Variants in TICRR observed in about 807,000 individuals in gnomAD.
TICRR encodes the protein TOPBP1 interacting checkpoint and replication regulator, also known as treslin.
TICRR carries 132 observed loss-of-function variants against 178.1 expected under a neutral mutation model. That is an observed-to-expected ratio of 0.74 (90% CI 0.64 to 0.86). The LOEUF (loss-of-function observed/expected upper bound fraction) is 0.86. TICRR is among the 40% of genes least tolerant of loss of function. TICRR has a pLI of 0.00. For synonymous variants in TICRR, 991 were observed against 900.7 expected, an observed-to-expected ratio of 1.10 and a Z score of -1.79; for missense variants, 2,587 against 2,334.3, an observed-to-expected ratio of 1.11 and a Z score of -2.23.
chr15:89,594,619 G>T, intron 6 of TICRR, 65 bp downstream of exon 6: 1 of 1,370,940 alleles, frequency 7.3e-7, no homozygotes, highest in Non-Finnish European at 9.7e-7. Flanking sequence ...TTAAAAGATG[G>T]GCATTTCCTG....
intron 1 of TICRR, among the ~76,000 whole-genome samples, chr15:89,580,470 G>A (rs1042883463): frequency 6.6e-6 from 1 of 152,114 alleles, no homozygotes; most frequent in South Asian, 2.1e-4. Context: ...TCTGAACTAG[G>A]TTACCATTCT....
At chr15:89,623,344 A>G (rs1963456268) in intron 19 of TICRR, among the ~76,000 whole-genome samples, 1 of 152,256 alleles carries the variant, frequency 6.6e-6, no homozygotes, top group Admixed American at 6.5e-5. Flanking sequence ...GAATGATTCC[A>G]TTAGAGGCAA....
intron 15 of TICRR, among the ~76,000 whole-genome samples, chr15:89,614,399 C>G (rs1487208150): frequency 1.3e-5 from 2 of 151,412 alleles, no homozygotes; most frequent in African/African-American, 4.9e-5. Context: ...ACTGTAGCCT[C>G]AAACTCCCTG....
intron 7 of TICRR, among the ~76,000 whole-genome samples, chr15:89,598,105 C>A (rs1159285437): frequency 1.3e-5 from 2 of 150,788 alleles, no homozygotes; most frequent in Admixed American, 6.7e-5. Context: ...TTGCTATAAT[C>A]ACTTGTTAGT....
At chr15:89,587,936 G>A (rs572130944) in intron 4 of TICRR, among the ~76,000 whole-genome samples, 2 of 152,138 alleles carry the variant, frequency 1.3e-5, no homozygotes, top group Non-Finnish European at 2.9e-5. Flanking sequence ...ATGTTGATGA[G>A]ATAATATGGT....
rs1218712675 is a variant in TICRR, at chr15:89,576,023, C to G, written c.437C>G (p.Ala146Gly). Residue 146 changes from alanine to glycine, a missense_variant, in exon 1 of 22, where the codon GCG (alanine) becomes GGG (glycine). Physicochemically the swap from Ala to Gly is moderately conservative, Grantham distance 60. Coordinates refer to ENST00000268138, the MANE Select transcript of TICRR (RefSeq NM_152259.4). ...AGCGAGGCCAAGGAGGCCGAGGCCG[C>G]GCTCGGGGGCTTGGTGAACGCCGTC... Reference protein sequence around the residue: ...VESEAKEAEAALGGLVNAVFL... With the variant: ...VESEAKEAEAGLGGLVNAVFL... 1 of 1,609,248 alleles carries G rather than the reference C, an allele frequency of 6.2e-7. No individual in the cohort carries two copies. Among genetic ancestry groups the G allele is most frequent in the Non-Finnish European group, 8.5e-7 (1 of 1,178,722 alleles).
intron 4 of TICRR, among the ~76,000 whole-genome samples, chr15:89,587,091 T>C (rs1962835969): frequency 6.6e-6 from 1 of 152,180 alleles, no homozygotes; most frequent in African/African-American, 2.4e-5. Flanking sequence ...CTTGGATATA[T>C]TTTGAAGGTA....
intron 1 of TICRR, among the ~76,000 whole-genome samples, chr15:89,581,169 A>G (rs578251407): frequency 5.3e-5 from 8 of 152,356 alleles, no homozygotes; most frequent in African/African-American, 1.7e-4. Flanking sequence ...AAGTTTGGGA[A>G]TGACCTAGTT....
intron 4 of TICRR, among the ~76,000 whole-genome samples, chr15:89,586,386 ATTTC>A (rs1169342709): frequency 6.6e-6 from 1 of 152,088 alleles, no homozygotes; most frequent in Non-Finnish European, 1.5e-5. Flanking sequence ...TCAACTTGAT[ATTTC>A]TTTAATTCAT....
intron 13 of TICRR, among the ~76,000 whole-genome samples, chr15:89,604,911 G>T (rs1308150592): frequency 2.6e-5 from 4 of 152,062 alleles, no homozygotes. Context: ...ATAAATCTCA[G>T]TTCTCTGAAG....
At chr15:89,602,761 A>G in intron 12 of TICRR, 35 bp from the exon 13 acceptor site, 2 of 1,075,392 alleles carry the variant, frequency 1.9e-6, no homozygotes, top group Non-Finnish European at 2.5e-6. Context: ...TATAACCTCT[A>G]TCTAGTATGT....
chr15:89,591,289 A>G (rs1399532891), intron 4 of TICRR, among the ~76,000 whole-genome samples: 1 of 152,016 alleles, frequency 6.6e-6, no homozygotes, highest in Non-Finnish European at 1.5e-5. Context: ...ACGCCCAGCT[A>G]ATTTTTGTAC....
At chr15:89,604,511 T>A (rs1340756799) in intron 13 of TICRR, among the ~76,000 whole-genome samples, 2 of 152,226 alleles carry the variant, frequency 1.3e-5, no homozygotes, top group Non-Finnish European at 2.9e-5. Flanking sequence ...CAGTGGTTCA[T>A]GCCTATAATG....
rs1465861348 is a variant in TICRR at position 89,627,398 on chromosome 15, G to A, written c.*312G>A. On this transcript the variant is annotated 3_prime_UTR_variant, in exon 22 of 22. Coordinates refer to ENST00000268138, the MANE Select transcript of TICRR (RefSeq NM_152259.4). ...CCCAACCATGACCTTGGCAAGTCAG[G>A]GGGCCACTCTGCCTCATTTATGCAA... The A allele has an allele frequency of 5.9e-6, 2 of 339,012 alleles. No individual in the cohort carries two copies. Among genetic ancestry groups the A allele is most frequent in the Non-Finnish European group, 1.1e-5 (2 of 185,434 alleles). The allele number at this position is 339,012 out of a possible 1,614,324, so 21.0% of individuals were successfully genotyped here.
intron 19 of TICRR, among the ~76,000 whole-genome samples, chr15:89,621,752 G>C: frequency 6.6e-6 from 1 of 152,114 alleles, no homozygotes; most frequent in East Asian, 1.9e-4. Flanking sequence ...AGCCACGGTG[G>C]GGGCGGTGGA....
rs777138499 is a variant in TICRR at position 89,594,411 on chromosome 15, A to G, written c.1542-4A>G. ...GTTTTATTCTAGACATCTTGACTTC[A>G]CAGGTTACTACAGGCTGCCTCAGCT... On this transcript the variant is annotated splice_polypyrimidine_tract_variant and splice_region_variant and intron_variant, in intron 5 of 21. Coordinates refer to ENST00000268138, the MANE Select transcript of TICRR (RefSeq NM_152259.4). The G allele has an allele frequency of 6.3e-7, 1 of 1,599,088 alleles. No individual in the cohort carries two copies. The highest frequency in any genetic ancestry group is 1.8e-5 in the Admixed American group (1 of 56,618).
At chr15:89,602,970 C>A in intron 13 of TICRR, 78 bp downstream of exon 13, 2 of 602,206 alleles carry the variant, frequency 3.3e-6, no homozygotes, top group Non-Finnish European at 5.2e-6. Flanking sequence ...GGAAAATGAA[C>A]TTTGGAGGAT....
At chr15:89,595,767 A>G (rs1229698573) in intron 7 of TICRR, among the ~76,000 whole-genome samples, 156 bp downstream of exon 7, 1 of 152,218 alleles carries the variant, frequency 6.6e-6, no homozygotes, top group Non-Finnish European at 1.5e-5. Flanking sequence ...TCTTAGATTT[A>G]TGATCTAGCT....
intron 8 of TICRR, among the ~76,000 whole-genome samples, chr15:89,600,296 G>A (rs191384013): frequency 2.6e-4 from 40 of 152,274 alleles, no homozygotes; most frequent in African/African-American, 8.7e-4. Context: ...GCAAACAGGA[G>A]GATTTGTTTA....
Sources: allele counts gnomAD v4.1 joint callset (sites outside exome capture counted in the v4.1 genomes callset), GRCh38; gene constraint gnomAD v4.1.1; transcripts MANE v1.5; gene names NCBI Gene and HGNC (gene_info 2026-07-23, HGNC 2026-07-21).